DDX55: variants seen among roughly 807,000 people sequenced by gnomAD.
DDX55 encodes ATP-dependent RNA helicase DDX55.
DDX55 carries 56 observed loss-of-function variants against 69.2 expected under a neutral mutation model. The observed-to-expected ratio is 0.81, with a 90% CI of 0.65 to 1.01. The LOEUF is 1.01. Ranked by LOEUF, DDX55 falls within the 50% of genes least tolerant of loss-of-function variation. DDX55 has a pLI of 0.00. For synonymous variants in DDX55, 268 were observed against 273.1 expected, an observed-to-expected ratio of 0.98 and a Z score of 0.18; for missense variants, 720 against 745.1, an observed-to-expected ratio of 0.97 and a Z score of 0.39.
intron 1 of DDX55, among the ~76,000 whole-genome samples, chr12:123,602,545 C>T (rs1392876681): frequency 6.6e-6 from 1 of 152,174 alleles, no homozygotes; most frequent in South Asian, 2.1e-4. Flanking sequence ...AATGGCTTAA[C>T]CTCTCCGTGC....
At position 123,617,800 on chromosome 12, in the gene DDX55, CG is replaced by C; in HGVS notation, c.1097del (p.Gly366AlafsTer29). On this transcript the variant is annotated frameshift_variant, in exon 11 of 14. Coordinates refer to ENST00000238146, the MANE Select transcript of DDX55 (RefSeq NM_020936.3). LOFTEE classifies it high-confidence loss of function. ...GCGGTCGCACAGCTCGCATTGGCCA[CG>C]GGGGCAGCGCTCTGGTGTTCCTCCT... ...RCGRTARIGH[G>X]GSALVFLLPM... is the part of the protein sequence containing the mutation. 1 of 1,613,722 alleles carries C rather than the reference CG, an allele frequency of 6.2e-7. No homozygotes were observed. The highest frequency in any genetic ancestry group is 8.5e-7 in the Non-Finnish European group (1 of 1,179,890).
At chr12:123,609,620 A>T (rs903614733) in intron 6 of DDX55, among the ~76,000 whole-genome samples, 2 of 151,888 alleles carry the variant, frequency 1.3e-5, no homozygotes, top group African/African-American at 4.8e-5. Flanking sequence ...AGATCTTCCC[A>T]TCCCAGTCTC....
intron 6 of DDX55, among the ~76,000 whole-genome samples, chr12:123,609,649 A>G (rs1954094325): frequency 6.6e-6 from 1 of 152,086 alleles, no homozygotes; most frequent in South Asian, 2.1e-4. Context: ...CTGGGATTAC[A>G]AGCATGAGCC....
At chr12:123,613,301 G>A in intron 8 of DDX55, 49 bp downstream of exon 8, 1 of 1,579,788 alleles carries the variant, frequency 6.3e-7, no homozygotes, top group Non-Finnish European at 8.7e-7. Context: ...CAGCCAGAAT[G>A]TGCAGGTGCA....
chr12:123,609,668 T>C (rs1217297999), intron 6 of DDX55, among the ~76,000 whole-genome samples: 1 of 152,128 alleles, frequency 6.6e-6, no homozygotes, highest in Admixed American at 6.5e-5. Context: ...CCATCACACC[T>C]GGCAGTTTTG....
chr12:123,619,315 A>G (rs1234868047), intron 12 of DDX55, 117 bp from the exon 13 acceptor site: 22 of 1,453,276 alleles, frequency 1.5e-5, no homozygotes, highest in Non-Finnish European at 2.0e-5. Context: ...AATTATTTTC[A>G]TTCTAACTAA....
At chr12:123,619,924 C>G in intron 13 of DDX55, 40 bp from the exon 14 acceptor site, 1 of 1,584,544 alleles carries the variant, frequency 6.3e-7, no homozygotes, top group Non-Finnish European at 8.6e-7. Flanking sequence ...AACACTATTG[C>G]TGAAAAATTT....
At chr12:123,610,700 C>T (rs943036947) in intron 7 of DDX55, among the ~76,000 whole-genome samples, 1 of 149,744 alleles carries the variant, frequency 6.7e-6, no homozygotes, top group Non-Finnish European at 1.5e-5. Flanking sequence ...CAAGCTCCGC[C>T]TCCTGGGTTC....
At chr12:123,616,879 C>G in intron 10 of DDX55, 1 of 367,600 alleles carries the variant, frequency 2.7e-6, no homozygotes, top group Non-Finnish European at 5.1e-6. Context: ...TGAGGCTGGG[C>G]GCGGTGGCTC....
In DDX55 at chr12:123,619,662, T is replaced by G; in HGVS notation, c.1564T>G (p.Ser522Ala). 1 of 1,603,338 alleles carries G rather than the reference T, an allele frequency of 6.2e-7. No homozygotes were observed. The highest frequency in any genetic ancestry group is 1.7e-4 in the Middle Eastern group (1 of 6,018). The part of the protein sequence containing the change: ...RRKFIKNKAW[S>A]KQKAKKEKKK... ...AAAATTCATAAAAAATAAAGCTTGG[T>G]CAAAGCAGAAGGCCAAAAAAGAAAA... The change falls in exon 13 of 14, where the codon TCA becomes GCA. Residue 522 changes from serine to alanine, a missense_variant. Ser to Ala is a moderately conservative substitution (Grantham distance 99). Transcript: ENST00000238146.
intron 8 of DDX55, among the ~76,000 whole-genome samples, chr12:123,613,974 GTA>G (rs1593718478): frequency 6.6e-6 from 1 of 151,600 alleles, no homozygotes; most frequent in African/African-American, 2.4e-5. Context: ...ATCTTTAGTA[GTA>G]CATAAAAAAT....
rs961632463 is a variant in DDX55 at position 123,619,641 on chromosome 12, T to A, written c.1543T>A (p.Phe515Ile). ...EKTENEGRRKFIKNKAWSKQK... is the reference protein window; with the variant it reads ...EKTENEGRRKIIKNKAWSKQK... Reference sequence around the variant, plus strand: ...AACAGAAAATGAAGGGAGAAGAAAATTCATAAAAAATAAAGCTTGGTCAAA... The same window carrying A: ...AACAGAAAATGAAGGGAGAAGAAAAATCATAAAAAATAAAGCTTGGTCAAA... Residue 515 changes from phenylalanine to isoleucine, a missense_variant, in exon 13 of 14, where the codon TTC (phenylalanine) becomes ATC (isoleucine). By Grantham distance (21) the Phe-to-Ile change is conservative (BLOSUM62 0). Coordinates refer to ENST00000238146, the MANE Select transcript of DDX55 (RefSeq NM_020936.3). The A allele has an allele frequency of 2.5e-6, 4 of 1,607,718 alleles. No individual in the cohort carries two copies. The highest frequency in any genetic ancestry group is 3.4e-6 in the Non-Finnish European group (4 of 1,177,610).
At position 123,616,582 on chromosome 12, in the gene DDX55, A is replaced by G; in HGVS notation, c.1028A>G (p.Tyr343Cys). 6.2e-7 allele frequency: 1 copy of G among 1,614,186 alleles called. No homozygotes were observed. The highest frequency in any genetic ancestry group is 1.7e-5 in the Admixed American group (1 of 60,018). The part of the protein sequence containing the change: ...DIPEVNWVLQ[Y>C]DPPSNASAFV... The stretch of plus-strand genomic sequence containing the variant: ...CCTGAAGTCAACTGGGTTTTGCAGT[A>G]TGACCCTCCCAGCAATGCAAGGTAT... The change falls in exon 10 of 14, where the codon TAT becomes TGT. Residue 343 changes from tyrosine (Y) to cysteine (C), a missense_variant. Coordinates refer to ENST00000238146, the MANE Select transcript of DDX55 (RefSeq NM_020936.3).
intron 12 of DDX55, among the ~76,000 whole-genome samples, 192 bp downstream of exon 12, chr12:123,619,029 G>A (rs903246504): frequency 1.3e-5 from 2 of 152,222 alleles, no homozygotes; most frequent in Non-Finnish European, 2.9e-5. Flanking sequence ...TTGAGACAGA[G>A]TCGCGCTTTG....
chr12:123,607,323 A>G (rs563112102), intron 3 of DDX55, 109 bp from the exon 4 acceptor site: 95 of 1,183,724 alleles, frequency 8.0e-5, no homozygotes, highest in African/African-American at 7.5e-4. Flanking sequence ...TCTGGGAACT[A>G]CTGTTTCTCT....
Position 123,605,863 on chromosome 12 carries a change from A to C in DDX55, c.109-68A>C, listed in dbSNP as rs1204190252. ...GACCTTAGCTGCCCATTATGTTCCTAGGGCTTCGGGTCTCACCTGTGAATT... is the reference window on the plus strand; with the variant it reads ...GACCTTAGCTGCCCATTATGTTCCTCGGGCTTCGGGTCTCACCTGTGAATT... On this transcript the variant is annotated intron_variant, in intron 1 of 13. Coordinates refer to ENST00000238146, the MANE Select transcript of DDX55 (RefSeq NM_020936.3). 3 of 1,608,116 alleles carry C rather than the reference A, an allele frequency of 1.9e-6. No individual in the cohort carries two copies. The South Asian group carries it at 3.3e-5, about 18-fold the overall frequency.
At chr12:123,604,584 C>T (rs1376882414) in intron 1 of DDX55, among the ~76,000 whole-genome samples, 1 of 152,076 alleles carries the variant, frequency 6.6e-6, no homozygotes, top group Non-Finnish European at 1.5e-5. Context: ...ACACAGTCAT[C>T]AGACATGGCT....
At chr12:123,609,728 A>C (rs1954099884) in intron 6 of DDX55, among the ~76,000 whole-genome samples, 1 of 152,142 alleles carries the variant, frequency 6.6e-6, no homozygotes. Context: ...TATCATTATA[A>C]TTGTATGCTA....
At chr12:123,613,046 C>A (rs1954383646) in intron 7 of DDX55, 124 bp from the exon 8 acceptor site, 4 of 949,400 alleles carry the variant, frequency 4.2e-6, no homozygotes, top group Non-Finnish European at 6.5e-6. Context: ...AACATTCCGA[C>A]TAAAGTCTGT....
Sources: allele counts gnomAD v4.1 joint callset (sites outside exome capture counted in the v4.1 genomes callset), GRCh38; gene constraint gnomAD v4.1.1; transcripts MANE v1.5; gene names NCBI Gene and HGNC (gene_info 2026-07-23, HGNC 2026-07-21).